The following PHACTR1 variants were observed in gnomAD, a reference collection of about 807,000 sequenced individuals.
PHACTR1 encodes RPEL repeat containing 1.
PHACTR1 carries 16 observed loss-of-function variants against 69.2 expected under a neutral mutation model. The observed-to-expected ratio is 0.23, with a 90% CI of 0.16 to 0.35. The LOEUF is 0.35. Ranked by LOEUF, PHACTR1 falls within the 10% of genes least tolerant of loss-of-function variation. The pLI is 1.00. For missense variants in PHACTR1, 510 were observed against 734.7 expected (o/e 0.69, Z 3.54); for synonymous variants, 312 against 284.5 (o/e 1.10, Z -0.97).
intron 12 of PHACTR1, chr6:13,280,760 T>C: frequency 2.8e-6 from 1 of 358,044 alleles, no homozygotes; most frequent in Non-Finnish European, 5.5e-6. Context: ...GGCTCACGCC[T>C]GTAATCCCAG....
At chr6:13,049,249 C>CT (rs35897489) in intron 4 of PHACTR1, among the ~76,000 whole-genome samples, 15 of 148,626 alleles carry the variant, frequency 1.0e-4, no homozygotes, top group South Asian at 2.2e-4. Context: ...TCTCATGGCA[C>CT]TTTTTTTTTT....
At chr6:13,124,011 G>A (rs138477481) in intron 5 of PHACTR1, among the ~76,000 whole-genome samples, 2 of 152,308 alleles carry the variant, frequency 1.3e-5, no homozygotes, top group African/African-American at 4.8e-5. Flanking sequence ...GGGGGATGCA[G>A]GTCCTCCCAT....
chr6:12,769,952 A>G (rs890274571), intron 4 of PHACTR1, among the ~76,000 whole-genome samples: 4 of 152,226 alleles, frequency 2.6e-5, no homozygotes, highest in African/African-American at 2.4e-5. Context: ...AGGTAACTCA[A>G]CTTGGTGGGT....
At chr6:13,279,780 T>C (rs924402455) in intron 12 of PHACTR1, 2 of 152,228 alleles carry the variant, frequency 1.3e-5, no homozygotes, top group African/African-American at 4.8e-5. Flanking sequence ...ACCCACTCTT[T>C]GGATGCAGGG....
At chr6:13,216,293 A>T (rs1483430761) in intron 8 of PHACTR1, among the ~76,000 whole-genome samples, 2 of 152,230 alleles carry the variant, frequency 1.3e-5, no homozygotes, top group African/African-American at 4.8e-5. Flanking sequence ...TCTAAAGAAT[A>T]ATTCTTCCTC....
intron 10 of PHACTR1, among the ~76,000 whole-genome samples, chr6:13,262,447 T>C (rs1776044834): frequency 6.6e-6 from 1 of 152,134 alleles, no homozygotes; most frequent in East Asian, 1.9e-4. Context: ...CATCAGCATA[T>C]TGATGCTATT....
At chr6:12,876,491 A>G (rs1448647217) in intron 4 of PHACTR1, among the ~76,000 whole-genome samples, 1 of 152,192 alleles carries the variant, frequency 6.6e-6, no homozygotes, top group Non-Finnish European at 1.5e-5. Flanking sequence ...TGAGAAAATG[A>G]TCTTCTAAAC....
chr6:13,063,677 G>A (rs1808049722), intron 5 of PHACTR1, among the ~76,000 whole-genome samples: 1 of 152,098 alleles, frequency 6.6e-6, no homozygotes, highest in Non-Finnish European at 1.5e-5. Context: ...CTGCTGGGGA[G>A]GCTAAGGTGG....
rs1185048166 is a variant in PHACTR1, at chr6:13,119,240, C to T, written c.416-40964C>T. Reference sequence around the variant, plus strand: ...AGAACAATACCCAAACAGAGACTAGCGTCATGTGATACACTTTGGAAAACC... The same window carrying T: ...AGAACAATACCCAAACAGAGACTAGTGTCATGTGATACACTTTGGAAAACC... On this transcript the variant is annotated intron_variant, in intron 5 of 14. Transcript: ENST00000332995. Among the ~76,000 whole-genome samples the T allele has an allele frequency of 2.6e-5, 4 of 152,276 alleles. No homozygotes were observed. The East Asian group carries it at 7.7e-4, about 29-fold the overall frequency.
At chr6:12,763,262 C>T (rs918311928) in intron 4 of PHACTR1, among the ~76,000 whole-genome samples, 5 of 151,946 alleles carry the variant, frequency 3.3e-5, no homozygotes, top group Admixed American at 3.3e-4. Context: ...AACAAAACAG[C>T]AGCCAAATAA....
At chr6:12,973,843 G>A (rs1163428755) in intron 4 of PHACTR1, among the ~76,000 whole-genome samples, 1 of 151,984 alleles carries the variant, frequency 6.6e-6, no homozygotes, top group African/African-American at 2.4e-5. Context: ...TTTTTTCAAG[G>A]TGGGAGAACT....
In PHACTR1 at chr6:12,958,712, GC is replaced by G. The variant is rs575605316; in HGVS notation, c.251-94649del. ...ATTGTTATTTCTTTTTTATTGTTTG[GC>G]CCCATGAGCTGCTCTAAACAAAATA... On this transcript the variant is annotated intron_variant, in intron 4 of 14. Coordinates refer to ENST00000332995, the MANE Select transcript of PHACTR1 (RefSeq NM_030948.6). Among the ~76,000 whole-genome samples the G allele has an allele frequency of 2.4e-3, 370 of 152,196 alleles. 1 individual carries two copies. The highest frequency in any genetic ancestry group is 8.3e-3 in the African/African-American group (346 of 41,538).
chr6:12,863,448 T>C (rs891116694), intron 4 of PHACTR1, among the ~76,000 whole-genome samples: 1 of 152,210 alleles, frequency 6.6e-6, no homozygotes, highest in African/African-American at 2.4e-5. Flanking sequence ...CACCTCTAAA[T>C]ACTGTCATAT....
chr6:13,257,835 T>C (rs1775383607), intron 10 of PHACTR1, among the ~76,000 whole-genome samples: 1 of 152,132 alleles, frequency 6.6e-6, no homozygotes, highest in African/African-American at 2.4e-5. Context: ...TCTCAAACTT[T>C]AGCATGCACG....
At chr6:13,158,569 A>T (rs905070398) in intron 5 of PHACTR1, among the ~76,000 whole-genome samples, 7 of 152,254 alleles carry the variant, frequency 4.6e-5, no homozygotes, top group African/African-American at 1.7e-4. Context: ...TAACATTTTT[A>T]AAATAGTAAG....
chr6:13,193,914 G>A (rs1469616207), intron 7 of PHACTR1, among the ~76,000 whole-genome samples: 1 of 152,060 alleles, frequency 6.6e-6, no homozygotes, highest in Non-Finnish European at 1.5e-5. Context: ...AGGTTCAACA[G>A]CACAGTGATC....
At chr6:13,204,152 C>T (rs2113863586) in intron 7 of PHACTR1, among the ~76,000 whole-genome samples, 1 of 152,148 alleles carries the variant, frequency 6.6e-6, no homozygotes, top group East Asian at 1.9e-4. Flanking sequence ...AAGAGATGAA[C>T]CAAGCAGGAG....
At position 13,269,235 on chromosome 6, in the gene PHACTR1, A is replaced by G. The variant is rs958020134; in HGVS notation, c.1392-3625A>G. On this transcript the variant is annotated intron_variant, in intron 10 of 14. Transcript: ENST00000332995. ...CTGGGTATTACCAAACCATTCCATAAAAGTGGCTGCGCATCTCTTATAAAA... is the reference window on the plus strand; with the variant it reads ...CTGGGTATTACCAAACCATTCCATAGAAGTGGCTGCGCATCTCTTATAAAA... Among the ~76,000 whole-genome samples the G allele has an allele frequency of 3.3e-5, 5 of 152,338 alleles. No homozygotes were observed. In the South Asian group the frequency reaches 1.0e-3, roughly 32 times the overall value.
chr6:13,009,263 G>A (rs1480799549), intron 4 of PHACTR1, among the ~76,000 whole-genome samples: 1 of 152,154 alleles, frequency 6.6e-6, no homozygotes, highest in Non-Finnish European at 1.5e-5. Context: ...ACATGTTCCA[G>A]GTGGGAGAGG....
Sources: gnomAD v4.1 joint callset for allele counts (sites outside exome capture counted in the v4.1 genomes callset) on GRCh38, gnomAD v4.1.1 for gene constraint, MANE v1.5 for transcripts, NCBI Gene and HGNC (gene_info 2026-07-23, HGNC 2026-07-21) for gene names.